Variants in LRRC4C observed in about 807,000 individuals in gnomAD.
The protein encoded by LRRC4C is leucine-rich repeat-containing protein 4C.
LRRC4C carries 5 observed loss-of-function variants against 33.6 expected under a neutral mutation model. The observed-to-expected ratio is 0.15, with a 90% CI of 0.08 to 0.31. The LOEUF (loss-of-function observed/expected upper bound fraction) is 0.31. LRRC4C is among the 10% of genes least tolerant of loss of function. The probability of loss-of-function intolerance (pLI) is 1.00; values close to 1 mark genes in which losing one functional copy is unlikely to be tolerated. For synonymous variants in LRRC4C, 329 were observed against 302.0 expected (o/e 1.09, Z -0.93); for missense variants, 560 against 796.7 (o/e 0.70, Z 3.58).
rs375465500 is a variant in LRRC4C, at chr11:41,404,564, C to CACACACACA, written c.-496+54866_-496+54867insTGTGTGTGT. Among the ~76,000 whole-genome samples, 475 of 94,148 alleles carry CACACACACA rather than the reference C, an allele frequency of 5.0e-3. 5 individuals are homozygous for CACACACACA. Among genetic ancestry groups the CACACACACA allele is most frequent in the African/African-American group, 0.016 (357 of 22,734 alleles). The allele number at this position is 94,148 out of a possible 152,430, so 61.8% of individuals were successfully genotyped here. A position where few individuals can be genotyped will look rare whatever the true frequency, so the allele number is the denominator to read the frequency against. On this transcript the variant is annotated intron_variant, in intron 1 of 6. Transcript: ENST00000528697. ...CACACACACACACACACACACACAC[C>CACACACACA]CCCCGAGGTTATATAGTAAATCCAT...
chr11:40,487,875 A>T (rs1186956431), intron 3 of LRRC4C, among the ~76,000 whole-genome samples: 3 of 152,066 alleles, frequency 2.0e-5, no homozygotes, highest in Non-Finnish European at 4.4e-5. Context: ...CTTATAATTG[A>T]TATATGTACC....
chr11:40,515,507 C>T (rs1955525706), intron 3 of LRRC4C, among the ~76,000 whole-genome samples: 1 of 151,984 alleles, frequency 6.6e-6, no homozygotes. Flanking sequence ...TTAACCTACT[C>T]ATGATACACA....
intron 2 of LRRC4C, among the ~76,000 whole-genome samples, chr11:40,780,943 A>T (rs1409921173): frequency 6.6e-6 from 1 of 152,186 alleles, no homozygotes; most frequent in African/African-American, 2.4e-5. Context: ...GAAAATGTAC[A>T]TACATAAACA....
intron 1 of LRRC4C, among the ~76,000 whole-genome samples, chr11:41,374,607 CA>C (rs1952871194): frequency 6.6e-6 from 1 of 152,098 alleles, no homozygotes; most frequent in South Asian, 2.1e-4. Flanking sequence ...ACATAACTAA[CA>C]GCAGTATGTA....
At chr11:40,641,419 T>C (rs1231576372) in intron 3 of LRRC4C, among the ~76,000 whole-genome samples, 4 of 152,174 alleles carry the variant, frequency 2.6e-5, no homozygotes, top group African/African-American at 9.7e-5. Flanking sequence ...TTTCTATTTA[T>C]TTTATAGCTC....
chr11:40,441,372 A>G (rs1951385478), intron 3 of LRRC4C, among the ~76,000 whole-genome samples: 1 of 152,236 alleles, frequency 6.6e-6, no homozygotes, highest in Non-Finnish European at 1.5e-5. Context: ...AGAAGAGTAG[A>G]TGCAAAGATA....
chr11:40,153,321 G>C (rs1858380670), intron 5 of LRRC4C, among the ~76,000 whole-genome samples: 1 of 152,118 alleles, frequency 6.6e-6, no homozygotes, highest in Non-Finnish European at 1.5e-5. Context: ...CCCTTTGACA[G>C]AGCCTATCCA....
chr11:40,500,146 G>A (rs1409024979), intron 3 of LRRC4C, among the ~76,000 whole-genome samples: 2 of 151,840 alleles, frequency 1.3e-5, no homozygotes, highest in Non-Finnish European at 2.9e-5. Context: ...TAATAGGTAC[G>A]TAACTGGGGA....
intron 1 of LRRC4C, among the ~76,000 whole-genome samples, chr11:41,181,550 G>A (rs188807748): frequency 1.1e-4 from 16 of 152,260 alleles, no homozygotes; most frequent in Admixed American, 8.5e-4. Flanking sequence ...TTACCCTAAT[G>A]AGTTAGAAAG....
intron 4 of LRRC4C, among the ~76,000 whole-genome samples, chr11:40,288,655 G>A (rs937473489): frequency 2.0e-5 from 3 of 152,176 alleles, no homozygotes. Context: ...TGACGTGTGT[G>A]TCTGCATTAA....
At chr11:41,077,774 G>C (rs1939264805) in intron 1 of LRRC4C, among the ~76,000 whole-genome samples, 1 of 152,136 alleles carries the variant, frequency 6.6e-6, no homozygotes, top group African/African-American at 2.4e-5. Flanking sequence ...TTCTTCTCCA[G>C]AAAATGGGTT....
At chr11:40,568,590 G>A (rs976629411) in intron 3 of LRRC4C, among the ~76,000 whole-genome samples, 1 of 151,990 alleles carries the variant, frequency 6.6e-6, no homozygotes, top group Non-Finnish European at 1.5e-5. Flanking sequence ...ATACTATTGG[G>A]GCCATGCATC....
At chr11:40,556,773 C>A (rs1295586221) in intron 3 of LRRC4C, among the ~76,000 whole-genome samples, 2 of 152,174 alleles carry the variant, frequency 1.3e-5, no homozygotes, top group Non-Finnish European at 2.9e-5. Flanking sequence ...AAATCAAAGG[C>A]TACTTACAAA....
At chr11:40,344,477 C>T (rs535615621) in intron 3 of LRRC4C, among the ~76,000 whole-genome samples, 1 of 152,170 alleles carries the variant, frequency 6.6e-6, no homozygotes, top group African/African-American at 2.4e-5. Context: ...AAACACTCAA[C>T]AAACTAGGCA....
chr11:41,307,565 C>T (rs150709217), intron 1 of LRRC4C, among the ~76,000 whole-genome samples: 1 of 152,326 alleles, frequency 6.6e-6, no homozygotes, highest in African/African-American at 2.4e-5. Flanking sequence ...AGCAAACAGA[C>T]ACCATTGTGG....
At chr11:41,070,401 G>A (rs1017860695) in intron 1 of LRRC4C, among the ~76,000 whole-genome samples, 1 of 151,982 alleles carries the variant, frequency 6.6e-6, no homozygotes, top group Non-Finnish European at 1.5e-5. Flanking sequence ...TGCAACAAAA[G>A]CCAAAATTAA....
intron 3 of LRRC4C, among the ~76,000 whole-genome samples, chr11:40,615,265 T>TATATATATATATATATATATATAC (rs1490740198): frequency 1.3e-4 from 7 of 53,430 alleles, no homozygotes; most frequent in Admixed American, 7.4e-4. Flanking sequence ...TATATATATA[T>TATATATATATATATATATATATAC]ACACACACAC....
At chr11:40,190,221 C>A (rs1861725259) in intron 5 of LRRC4C, among the ~76,000 whole-genome samples, 1 of 152,150 alleles carries the variant, frequency 6.6e-6, no homozygotes, top group Non-Finnish European at 1.5e-5. Context: ...GAACTCTGAA[C>A]CAAGCCAGGC....
chr11:40,693,181 A>C (rs1056271092), intron 2 of LRRC4C, among the ~76,000 whole-genome samples: 1 of 152,130 alleles, frequency 6.6e-6, no homozygotes, highest in Non-Finnish European at 1.5e-5. Context: ...GTTGTGTGGC[A>C]CTGGAAATGC....
Sources: gnomAD v4.1 joint callset for allele counts (sites outside exome capture counted in the v4.1 genomes callset) on GRCh38, gnomAD v4.1.1 for gene constraint, MANE v1.5 for transcripts, NCBI Gene and HGNC (gene_info 2026-07-23, HGNC 2026-07-21) for gene names.